The following MAP3K4 variants were observed in gnomAD, a reference collection of about 807,000 sequenced individuals.
MAP3K4 encodes the protein mitogen-activated protein kinase kinase kinase 4.
MAP3K4 carries 67 observed loss-of-function variants against 185.6 expected under a neutral mutation model. The ratio of observed to expected loss-of-function variants is 0.36; its 90% confidence interval spans 0.30 to 0.44. The LOEUF is 0.44. Among genes scored for constraint, MAP3K4 ranks in the 20% least tolerant of loss-of-function variants. The pLI is 1.00. For missense variants in MAP3K4, 1,551 were observed against 1,995.1 expected (o/e 0.78, Z 4.24); for synonymous variants, 702 against 710.4 (o/e 0.99, Z 0.19).
rs188086678 is a variant in MAP3K4 at position 161,062,985 on chromosome 6, T to C, written c.1708-7623T>C. On this transcript the variant is annotated intron_variant, in intron 3 of 26. Coordinates refer to ENST00000392142, the MANE Select transcript of MAP3K4 (RefSeq NM_005922.4). Reference sequence around the variant, plus strand: ...GGAACTGCTCTTTATATATTTTGGATCTACTTTGCCTGTCTTCTCTGTCAT... The same window carrying C: ...GGAACTGCTCTTTATATATTTTGGACCTACTTTGCCTGTCTTCTCTGTCAT... Among the ~76,000 whole-genome samples, 14 of 152,236 alleles carry C rather than the reference T, an allele frequency of 9.2e-5. 1 individual carries two copies. Among genetic ancestry groups the C allele is most frequent in the Admixed American group, 7.8e-4 (12 of 15,298 alleles).
rs1347382714 is a variant in MAP3K4 at position 161,048,108 on chromosome 6, G to T, written c.344-508G>T. On this transcript the variant is annotated intron_variant, in intron 2 of 26. Transcript: ENST00000392142. The surrounding 1 kb of genome is among the most constrained non-coding windows in gnomAD (Gnocchi z 4.7). Reference sequence around the variant, plus strand: ...AGTTTTTTATGAGAATAATCTTAGGGTGCCTTAAGTATTCTTGCATCAATG... The same window carrying T: ...AGTTTTTTATGAGAATAATCTTAGGTTGCCTTAAGTATTCTTGCATCAATG... 2.6e-6 allele frequency: 1 copy of T among 387,642 alleles called. No homozygotes were observed. The highest frequency in any genetic ancestry group is 5.0e-6 in the Non-Finnish European group (1 of 199,004). The allele number at this position is 387,642 out of a possible 1,614,324, so 24.0% of individuals were successfully genotyped here.
At position 161,114,592 on chromosome 6, in the gene MAP3K4, A is replaced by C. The variant is rs113756627; in HGVS notation, c.4627-531A>C. Among the ~76,000 whole-genome samples the C allele has an allele frequency of 6.6e-6, 1 of 152,228 alleles. No homozygotes were observed. Among genetic ancestry groups the C allele is most frequent in the Non-Finnish European group, 1.5e-5 (1 of 68,030 alleles). Reference sequence around the variant, plus strand: ...AATACATATTGGCAATGACGAAACAATAGTTTAGAAATTAGAATGCCATAC... The same window carrying C: ...AATACATATTGGCAATGACGAAACACTAGTTTAGAAATTAGAATGCCATAC... On this transcript the variant is annotated intron_variant, in intron 25 of 26. Transcript: ENST00000392142. This position sits in a 1 kb window ranked among gnomAD's most constrained non-coding sequence, Gnocchi z 4.3.
At chr6:161,024,384 G>C (rs73024064) in intron 1 of MAP3K4, among the ~76,000 whole-genome samples, 1 of 151,770 alleles carries the variant, frequency 6.6e-6, no homozygotes, top group Non-Finnish European at 1.5e-5. Flanking sequence ...TATTTGTCAC[G>C]ACTAATGAAC....
At chr6:161,069,351 G>C (rs1784834743) in intron 3 of MAP3K4, among the ~76,000 whole-genome samples, 1 of 152,194 alleles carries the variant, frequency 6.6e-6, no homozygotes. Flanking sequence ...GGTATCATGA[G>C]GTGAACCTTG....
At chr6:160,992,614 C>G (rs1390961909) in intron 1 of MAP3K4, among the ~76,000 whole-genome samples, 3 of 152,188 alleles carry the variant, frequency 2.0e-5, no homozygotes, top group East Asian at 3.9e-4. Context: ...ACTATGCAGA[C>G]AGATACGTTG....
Position 161,117,144 on chromosome 6 carries a change from G to A in MAP3K4, c.*274G>A, listed in dbSNP as rs777557326. ...CGCCTCTGTCTCCTCCGTGTCTCGC[G>A]CGACTGAGAACCGTGACATCAGCGT... On this transcript the variant is annotated 3_prime_UTR_variant, in exon 27 of 27. Coordinates refer to ENST00000392142, the MANE Select transcript of MAP3K4 (RefSeq NM_005922.4). 1.2e-4 allele frequency: 52 copies of A among 440,544 alleles called. No individual in the cohort carries two copies. The highest frequency in any genetic ancestry group is 1.8e-4 in the Non-Finnish European group (45 of 247,076). The allele number at this position is 440,544 out of a possible 1,614,324, so 27.3% of individuals were successfully genotyped here. A position where few individuals can be genotyped will look rare whatever the true frequency, so the allele number is the denominator to read the frequency against.
At chr6:161,111,454 C>A (rs1047574068) in intron 23 of MAP3K4, among the ~76,000 whole-genome samples, 2 of 152,258 alleles carry the variant, frequency 1.3e-5, no homozygotes, top group African/African-American at 4.8e-5. Flanking sequence ...CTCTCATCTA[C>A]ATGTCGCTTC....
chr6:161,090,310 C>T (rs1484687230), intron 11 of MAP3K4, among the ~76,000 whole-genome samples: 2 of 152,134 alleles, frequency 1.3e-5, no homozygotes, highest in Non-Finnish European at 2.9e-5. Context: ...AGAGAGAGAC[C>T]GATTTGGAGC....
At position 161,084,364 on chromosome 6, in the gene MAP3K4, AAAG is replaced by A; in HGVS notation, c.2256-132_2256-130del. ...TTTCCACGTCCAGGGTTTTATATTA[AAAG>A]AAGAGAAATTTTTCATTTTTGATTT... On this transcript the variant is annotated intron_variant, in intron 6 of 26. Coordinates refer to ENST00000392142, the MANE Select transcript of MAP3K4 (RefSeq NM_005922.4). This position sits in a 1 kb window ranked among gnomAD's most constrained non-coding sequence, Gnocchi z 4.6. The A allele has an allele frequency of 6.9e-6, 4 of 580,654 alleles. No individual in the cohort carries two copies. The highest frequency in any genetic ancestry group is 2.3e-5 in the South Asian group (1 of 44,390). The allele number at this position is 580,654 out of a possible 1,614,324, so 36.0% of individuals were successfully genotyped here. A position where few individuals can be genotyped will look rare whatever the true frequency, so the allele number is the denominator to read the frequency against.
At position 161,033,206 on chromosome 6, in the gene MAP3K4, T is replaced by G. The variant is rs1218741717; in HGVS notation, c.153-1053T>G. On this transcript the variant is annotated intron_variant, in intron 1 of 26. Coordinates refer to ENST00000392142, the MANE Select transcript of MAP3K4 (RefSeq NM_005922.4). ...ATACTGGATATAATTTGGAGTTATG[T>G]TTATAAAATATAAAGCATATTTATA... is the stretch of plus-strand genomic sequence containing the variant. Among the ~76,000 whole-genome samples the G allele has an allele frequency of 2.6e-5, 4 of 152,242 alleles. No homozygotes were observed. In the South Asian group the frequency reaches 6.2e-4, roughly 24 times the overall value.
In MAP3K4 at chr6:161,080,789, A is replaced by C. The variant is rs1583207008; in HGVS notation, c.2098-92A>C. ...CTGTGACAGCCCCCGGCCCGCCCCC[A>C]CTTTACCCTGCTGATGTGTAGCTTT... On this transcript the variant is annotated intron_variant, in intron 5 of 26. Coordinates refer to ENST00000392142, the MANE Select transcript of MAP3K4 (RefSeq NM_005922.4). This position sits in a 1 kb window ranked among gnomAD's most constrained non-coding sequence, Gnocchi z 4.8. 2 of 1,198,118 alleles carry C rather than the reference A, an allele frequency of 1.7e-6. No individual in the cohort carries two copies. The highest frequency in any genetic ancestry group is 2.4e-6 in the Non-Finnish European group (2 of 831,774). 74.2% of individuals were successfully genotyped at this position (1,198,118 alleles called of 1,614,324 possible). A position where few individuals can be genotyped will look rare whatever the true frequency, so the allele number is the denominator to read the frequency against.
chr6:161,108,519 C>T lies in MAP3K4; in HGVS notation c.4120-224C>T, dbSNP rs757098776. On this transcript the variant is annotated intron_variant, in intron 21 of 26. Coordinates refer to ENST00000392142, the MANE Select transcript of MAP3K4 (RefSeq NM_005922.4). The surrounding 1 kb of genome is among the most constrained non-coding windows in gnomAD (Gnocchi z 5.7). ...CCACATGGCGCTCCTCACTCCCTCT[C>T]GGAGCAGGGCCTCTTCCTCCTCTGT... Among the ~76,000 whole-genome samples, 2 of 152,138 alleles carry T rather than the reference C, an allele frequency of 1.3e-5. No homozygotes were observed. Among genetic ancestry groups the T allele is most frequent in the African/African-American group, 4.8e-5 (2 of 41,428 alleles).
rs1231574739 is a variant in MAP3K4 at position 161,106,760 on chromosome 6, G to GTATAACTA, written c.4048+56_4048+57insATAACTAT. On this transcript the variant is annotated intron_variant, in intron 20 of 26. Coordinates refer to ENST00000392142, the MANE Select transcript of MAP3K4 (RefSeq NM_005922.4). The surrounding 1 kb of genome is among the most constrained non-coding windows in gnomAD (Gnocchi z 4.9). ...ATAGTCCCTGTTAGAAGTAGCAATA[G>GTATAACTA]TTATACTTCTTTAGGTTGAATCCTA... The GTATAACTA allele has an allele frequency of 1.4e-6, 2 of 1,405,610 alleles. No individual in the cohort carries two copies. The highest frequency in any genetic ancestry group is 2.9e-5 in the African/African-American group (2 of 69,656). 87.1% of individuals were successfully genotyped at this position (1,405,610 alleles called of 1,614,324 possible).
intron 3 of MAP3K4, among the ~76,000 whole-genome samples, chr6:161,068,987 G>A (rs1251269687): frequency 1.3e-5 from 2 of 152,204 alleles, no homozygotes; most frequent in African/African-American, 4.8e-5. Context: ...TCTATTTGCT[G>A]TAAAGCAACT....
At position 161,106,264 on chromosome 6, in the gene MAP3K4, C is replaced by A. The variant is rs566062651; in HGVS notation, c.3857-250C>A. Reference sequence around the variant, plus strand: ...TATATTACTGCAAGATTTTAGCCAACGTTCTTGGGAAAGGAAATCATTTTT... The same window carrying A: ...TATATTACTGCAAGATTTTAGCCAAAGTTCTTGGGAAAGGAAATCATTTTT... On this transcript the variant is annotated intron_variant, in intron 19 of 26. Coordinates refer to ENST00000392142, the MANE Select transcript of MAP3K4 (RefSeq NM_005922.4). The surrounding 1 kb of genome is among the most constrained non-coding windows in gnomAD (Gnocchi z 4.9). Among the ~76,000 whole-genome samples, 5 of 152,194 alleles carry A rather than the reference C, an allele frequency of 3.3e-5. No homozygotes were observed. In the South Asian group the frequency reaches 8.3e-4, roughly 25 times the overall value.
At chr6:160,994,281 T>TATA (rs1341666077) in intron 1 of MAP3K4, among the ~76,000 whole-genome samples, 15 of 152,286 alleles carry the variant, frequency 9.8e-5, no homozygotes, top group Middle Eastern at 6.8e-3. Flanking sequence ...TGTAGTCTAT[T>TATA]CCTCACCCCG....
At chr6:161,039,681 A>C (rs1220003780) in intron 2 of MAP3K4, among the ~76,000 whole-genome samples, 2 of 152,226 alleles carry the variant, frequency 1.3e-5, no homozygotes, top group Non-Finnish European at 2.9e-5. Flanking sequence ...GAGATAAAAC[A>C]TTGGTACTAA....
intron 1 of MAP3K4, among the ~76,000 whole-genome samples, chr6:160,994,194 C>T (rs185411707): frequency 6.6e-6 from 1 of 150,738 alleles, no homozygotes; most frequent in African/African-American, 2.4e-5. Flanking sequence ...TTTTTGGTTA[C>T]ATGGATAAGT....
Position 161,115,137 on chromosome 6 carries a change from G to A in MAP3K4, c.4641G>A (p.Glu1547=), listed in dbSNP as rs1218170903. The part of the protein sequence containing the change: ...EMVTGKRPWH[E]YEHNFQIMYK... ...ATCTTTTTTAGAGGCCTTGGCATGA[G>A]TATGAGCACAACTTTCAAATTATGT... is the stretch of plus-strand genomic sequence containing the variant. The change falls in exon 26 of 27, where the codon GAG becomes GAA. Residue 1547 remains glutamate (E), a synonymous_variant. Transcript: ENST00000392142. The surrounding 1 kb of genome is among the most constrained non-coding windows in gnomAD (Gnocchi z 6.0). The A allele has an allele frequency of 1.2e-6, 2 of 1,612,454 alleles. No homozygotes were observed. The highest frequency in any genetic ancestry group is 8.5e-7 in the Non-Finnish European group (1 of 1,178,972).
Sources: allele counts gnomAD v4.1 joint callset (sites outside exome capture counted in the v4.1 genomes callset), GRCh38; gene constraint gnomAD v4.1.1; non-coding constraint Gnocchi (gnomAD v3.1); transcripts MANE v1.5; gene names NCBI Gene and HGNC (gene_info 2026-07-23, HGNC 2026-07-21).